PSG8: variants seen among roughly 807,000 people sequenced by gnomAD.
PSG8 encodes the protein pregnancy specific beta-1-glycoprotein 8.
PSG8 carries 57 observed loss-of-function variants against 42.5 expected under a neutral mutation model. That is an observed-to-expected ratio of 1.34 (90% CI 1.08 to 1.67). The LOEUF (loss-of-function observed/expected upper bound fraction) is 1.67, where lower values mean the gene tolerates loss of function less well. PSG8 is among the 40% of genes most tolerant of loss of function. The pLI is 0.00. For missense variants in PSG8, 783 were observed against 518.6 expected (o/e 1.51, Z -4.95); for synonymous variants, 280 against 196.8 (o/e 1.42, Z -3.54).
In PSG8 at chr19:42,758,109, G is replaced by C. The variant is rs1410645787; in HGVS notation, c.602C>G (p.Thr201Ser). 2.3e-5 allele frequency: 37 copies of C among 1,613,866 alleles called. No homozygotes were observed. The highest frequency in any genetic ancestry group is 3.1e-5 in the Non-Finnish European group (37 of 1,179,964). Residue 201 changes from threonine (T) to serine (S), a missense_variant, in exon 3 of 5, where the codon ACC becomes AGC. Physicochemically the swap from Thr to Ser is moderately conservative, Grantham distance 58. Transcript: ENST00000306511. Reference sequence around the variant, plus strand: ...CTTTGTGACACCCAATAGAAAGAGGGTCCTGTTGGTTTCAGACAACTGCAA... The same window carrying C: ...CTTTGTGACACCCAATAGAAAGAGGCTCCTGTTGGTTTCAGACAACTGCAA... The part of the protein sequence containing the change: ...HRLQLSETNR[T>S]LFLLGVTKYT...
intron 2 of PSG8, among the ~76,000 whole-genome samples, chr19:42,762,783 A>T (rs1970110857): frequency 6.6e-6 from 1 of 152,116 alleles, no homozygotes; most frequent in South Asian, 2.1e-4. Context: ...AGTACAGACT[A>T]ATCAGTTGAC....
In PSG8 at chr19:42,758,233, C is replaced by G; in HGVS notation, c.478G>C (p.Glu160Gln). 6.2e-7 allele frequency: 1 copy of G among 1,614,022 alleles called. No homozygotes were observed. Among genetic ancestry groups the G allele is most frequent in the Non-Finnish European group, 8.5e-7 (1 of 1,179,962 alleles). Residue 160 changes from glutamate to glutamine, a missense_variant, in exon 3 of 5, where the codon GAG becomes CAG. By Grantham distance (29) the Glu-to-Gln change is conservative. Coordinates refer to ENST00000306511, the MANE Select transcript of PSG8 (RefSeq NM_182707.3). ...GTTAAGCTCACAGCCTCCATGGCCT[C>G]CCTGGGGTTTAATTTGCTGCTGGAG... ...SISSSKLNPREAMEAVSLTCD... is the reference protein window; with the variant it reads ...SISSSKLNPRQAMEAVSLTCD...
downstream of PSG8, chr19:42,753,215 A>G (rs1344608147): frequency 1.3e-5 from 10 of 771,790 alleles, no homozygotes; most frequent in East Asian, 2.2e-4. Flanking sequence ...GTGAGTTCTG[A>G]GTGGCTCACC....
Position 42,764,030 on chromosome 19 carries a change from A to T in PSG8, c.316T>A (p.Ser106Thr). Residue 106 changes from serine (S) to threonine (T), a missense_variant, in exon 2 of 5, where the codon TCC (serine) becomes ACC (threonine). Ser to Thr is a moderately conservative substitution (Grantham distance 58, BLOSUM62 1). Coordinates refer to ENST00000306511, the MANE Select transcript of PSG8 (RefSeq NM_182707.3). ...TGGGTGACATTCTGGATCAGCAGGG[A>T]TGCATTGGAATATATTGTTTCTCGT... ...SGRETIYSNASLLIQNVTQED... is the reference protein window; with the variant it reads ...SGRETIYSNATLLIQNVTQED... The T allele has an allele frequency of 6.2e-7, 1 of 1,613,722 alleles. No homozygotes were observed. Among genetic ancestry groups the T allele is most frequent in the Non-Finnish European group, 8.5e-7 (1 of 1,179,858 alleles).
At chr19:42,761,418 A>G (rs1970070383) in intron 2 of PSG8, among the ~76,000 whole-genome samples, 1 of 152,174 alleles carries the variant, frequency 6.6e-6, no homozygotes, top group Admixed American at 6.5e-5. Context: ...CTCCGATGTC[A>G]TTTGGCAAGA....
Position 42,763,915 on chromosome 19 carries a change from C to A in PSG8, c.430+1G>T. On this transcript the variant is annotated splice_donor_variant, in intron 2 of 4. Coordinates refer to ENST00000306511, the MANE Select transcript of PSG8 (RefSeq NM_182707.3). LOFTEE classifies it high-confidence loss of function. ...CCCAGGGATCATGTGGAATCACTCA[C>A]GATATAAGGTGAAGGTGAAATGTCC... 1 of 1,613,590 alleles carries A rather than the reference C, an allele frequency of 6.2e-7. No individual in the cohort carries two copies. The highest frequency in any genetic ancestry group is 8.5e-7 in the Non-Finnish European group (1 of 1,179,712).
chr19:42,761,206 A>G (rs1415866795), intron 2 of PSG8, among the ~76,000 whole-genome samples: 1 of 152,202 alleles, frequency 6.6e-6, no homozygotes, highest in Non-Finnish European at 1.5e-5. Context: ...ATTGCTGGGC[A>G]TAGGCCAGGC....
At position 42,765,578 on chromosome 19, in the gene PSG8, C is replaced by G; in HGVS notation, c.4G>C (p.Gly2Arg). The change falls in exon 1 of 5, where the codon GGG becomes CGG. Residue 2 changes from glycine to arginine, a missense_variant. Transcript: ENST00000306511. M[G>R]LLSAPPCTQR... ...GTGCAGGGAGGGGCTGAGAGGAGCCCCATGGTCTCTGCTGTCTGTGTGTTC... is the reference window on the plus strand; with the variant it reads ...GTGCAGGGAGGGGCTGAGAGGAGCCGCATGGTCTCTGCTGTCTGTGTGTTC... The G allele has an allele frequency of 1.9e-6, 3 of 1,610,856 alleles. No homozygotes were observed. The highest frequency in any genetic ancestry group is 2.5e-6 in the Non-Finnish European group (3 of 1,177,900).
At position 42,758,123 on chromosome 19, in the gene PSG8, A is replaced by G. The variant is rs777131876; in HGVS notation, c.588T>C (p.Ser196=). The G allele has an allele frequency of 1.2e-6, 2 of 1,613,974 alleles. No homozygotes were observed. The highest frequency in any genetic ancestry group is 8.5e-7 in the Non-Finnish European group (1 of 1,179,938). ...SLPMSHRLQL[S]ETNRTLFLLG... is the part of the protein sequence containing the mutation. ...ATAGAAAGAGGGTCCTGTTGGTTTC[A>G]GACAACTGCAACCTGTGAGACATAG... Residue 196 remains serine, a synonymous_variant, in exon 3 of 5, where the codon TCT becomes TCC. Transcript: ENST00000306511.
At chr19:42,764,612 G>A (rs960446076) in intron 1 of PSG8, among the ~76,000 whole-genome samples, 3 of 151,994 alleles carry the variant, frequency 2.0e-5, no homozygotes, top group African/African-American at 7.3e-5. Flanking sequence ...GCTCACATCA[G>A]GGCATCCTTA....
intron 3 of PSG8, among the ~76,000 whole-genome samples, chr19:42,757,667 C>T (rs1969960875): frequency 2.6e-5 from 4 of 152,144 alleles, no homozygotes; most frequent in African/African-American, 7.2e-5. Flanking sequence ...GTGGAAGCAC[C>T]ACAATCACAG....
chr19:42,763,028 T>C (rs1321956884), intron 2 of PSG8, among the ~76,000 whole-genome samples: 1 of 152,166 alleles, frequency 6.6e-6, no homozygotes, highest in Non-Finnish European at 1.5e-5. Flanking sequence ...ATAAGCTAAA[T>C]GGCAAATGGA....
chr19:42,760,318 G>A (rs1336476938), intron 2 of PSG8, among the ~76,000 whole-genome samples: 2 of 152,110 alleles, frequency 1.3e-5, no homozygotes, highest in Non-Finnish European at 2.9e-5. Flanking sequence ...ACCTCCAACT[G>A]GTCCCCAAAA....
intron 4 of PSG8, 43 bp from the exon 5 acceptor site, chr19:42,754,630 G>T (rs112833880): frequency 0.015 from 23,821 of 1,583,936 alleles, 320 homozygotes; most frequent in African/African-American, 0.034. Flanking sequence ...TCATCTGAGG[G>T]AAGGGGATGT....
At position 42,758,242 on chromosome 19, in the gene PSG8, T is replaced by A. The variant is rs375466268; in HGVS notation, c.469A>T (p.Asn157Tyr). 74 of 1,613,658 alleles carry A rather than the reference T, an allele frequency of 4.6e-5. 2 individuals are homozygous for A. The South Asian group carries it at 6.2e-4, about 13-fold the overall frequency. The change falls in exon 3 of 5, where the codon AAC becomes TAC. Residue 157 changes from asparagine (N) to tyrosine (Y), a missense_variant. Coordinates refer to ENST00000306511, the MANE Select transcript of PSG8 (RefSeq NM_182707.3). ...ACAGCCTCCATGGCCTCCCTGGGGT[T>A]TAATTTGCTGCTGGAGATGGAGGGC... ...PKPSISSSKL[N>Y]PREAMEAVSL... is the part of the protein sequence containing the mutation.
In PSG8 at chr19:42,758,596, G is replaced by A. The variant is rs202037785; in HGVS notation, c.431-316C>T. ...CCCTCCGTCTCCAACTGCCTGCCTG[G>A]CCCACCTTGTGGTCCTCACTTGGAG... On this transcript the variant is annotated intron_variant, in intron 2 of 4. Transcript: ENST00000306511. 8 of 445,964 alleles carry A rather than the reference G, an allele frequency of 1.8e-5. No individual in the cohort carries two copies. In the East Asian group the frequency reaches 2.6e-4, roughly 15 times the overall value. The allele number at this position is 445,964 out of a possible 1,614,324, so 27.6% of individuals were successfully genotyped here.
chr19:42,760,190 G>C (rs543945575), intron 2 of PSG8, among the ~76,000 whole-genome samples: 11 of 152,172 alleles, frequency 7.2e-5, no homozygotes, highest in East Asian at 1.9e-4. Context: ...AAGTGAGATG[G>C]CAATGGCTCA....
intron 3 of PSG8, chr19:42,755,881 G>A (rs1478695754): frequency 6.4e-6 from 1 of 156,902 alleles, no homozygotes; most frequent in Admixed American, 6.0e-5. Context: ...GGTGTTTCAT[G>A]ATGACTTACT....
At chr19:42,754,228 C>T, downstream of PSG8, 1 of 1,585,784 alleles carries the variant, frequency 6.3e-7, no homozygotes, top group Non-Finnish European at 8.6e-7. Flanking sequence ...TTGCTTGTGC[C>T]CATGGGACGC....
Sources: allele counts gnomAD v4.1 joint callset (sites outside exome capture counted in the v4.1 genomes callset), GRCh38; gene constraint gnomAD v4.1.1; transcripts MANE v1.5; gene names NCBI Gene and HGNC (gene_info 2026-07-23, HGNC 2026-07-21).